The following JAZF1 variants were observed in gnomAD, a reference collection of about 807,000 sequenced individuals.
JAZF1 encodes juxtaposed with another zinc finger protein 1.
A neutral mutation model predicts 26.4 loss-of-function variants in JAZF1; 8 were observed. The ratio of observed to expected loss-of-function variants is 0.30; its 90% confidence interval spans 0.18 to 0.55. The LOEUF (loss-of-function observed/expected upper bound fraction) is 0.55. JAZF1 is among the 20% of genes least tolerant of loss of function. The pLI is 0.94. For synonymous variants in JAZF1, 126 were observed against 122.3 expected, an observed-to-expected ratio of 1.03 and a Z score of -0.20; for missense variants, 199 against 322.0, an observed-to-expected ratio of 0.62 and a Z score of 2.92.
chr7:28,000,810 G>A (rs1786140101), intron 1 of JAZF1, among the ~76,000 whole-genome samples: 1 of 151,590 alleles, frequency 6.6e-6, no homozygotes, highest in Non-Finnish European at 1.5e-5. Flanking sequence ...GTAGAGATGG[G>A]GTTTCACCAT....
intron 1 of JAZF1, among the ~76,000 whole-genome samples, chr7:28,037,648 A>G (rs1286056590): frequency 6.6e-6 from 1 of 152,190 alleles, no homozygotes; most frequent in Admixed American, 6.5e-5. Flanking sequence ...TGTCTATTTC[A>G]TCTCCATTTT....
At chr7:28,141,249 C>A (rs182153744) in intron 1 of JAZF1, among the ~76,000 whole-genome samples, 22 of 152,290 alleles carry the variant, frequency 1.4e-4, no homozygotes, top group Admixed American at 1.3e-3. Context: ...TGAACAAGCA[C>A]CTCCTACATG....
chr7:28,043,016 T>G (rs73683946), intron 1 of JAZF1, among the ~76,000 whole-genome samples: 11,837 of 152,228 alleles, frequency 0.078, 828 homozygotes, highest in African/African-American at 0.19. Context: ...AGTCTCCTGC[T>G]GTACTATGAT....
intron 4 of JAZF1, among the ~76,000 whole-genome samples, chr7:27,837,484 C>T (rs1489336355): frequency 6.6e-6 from 1 of 152,234 alleles, no homozygotes. Context: ...TCTGTCACAT[C>T]TGAGACATGT....
chr7:27,955,852 T>A (rs1227754733), intron 2 of JAZF1, among the ~76,000 whole-genome samples: 1 of 152,210 alleles, frequency 6.6e-6, no homozygotes, highest in East Asian at 1.9e-4. Context: ...CTATCTTTAG[T>A]GAATAAAATT....
chr7:28,014,415 T>C (rs1017669198), intron 1 of JAZF1, among the ~76,000 whole-genome samples: 1 of 152,178 alleles, frequency 6.6e-6, no homozygotes, highest in Non-Finnish European at 1.5e-5. Flanking sequence ...TGAATTCCCA[T>C]GTGTTGTGGG....
intron 1 of JAZF1, among the ~76,000 whole-genome samples, chr7:28,028,274 C>T (rs532979204): frequency 6.6e-6 from 1 of 152,286 alleles, no homozygotes; most frequent in Admixed American, 6.5e-5. Flanking sequence ...GCTTGAATAA[C>T]TGTTCATTAA....
chr7:28,011,647 G>A (rs899685269), intron 1 of JAZF1, among the ~76,000 whole-genome samples: 14 of 152,094 alleles, frequency 9.2e-5, no homozygotes, highest in Admixed American at 3.3e-4. Context: ...TAATCAGAGC[G>A]CAGGGAAATA....
chr7:28,055,175 AAT>A (rs200613172), intron 1 of JAZF1, among the ~76,000 whole-genome samples: 2 of 151,054 alleles, frequency 1.3e-5, no homozygotes, highest in East Asian at 4.3e-4. Flanking sequence ...AAAAAAAAAA[AAT>A]TTTTGCAATG....
At chr7:28,119,274 G>A (rs1464410392) in intron 1 of JAZF1, among the ~76,000 whole-genome samples, 1 of 152,108 alleles carries the variant, frequency 6.6e-6, no homozygotes, top group Non-Finnish European at 1.5e-5. Flanking sequence ...AGTGCCTAAT[G>A]GAGATGATTT....
rs545885586 is a variant in JAZF1 at position 28,110,527 on chromosome 7, A to G, written c.115+69936T>C. Among the ~76,000 whole-genome samples, 74 of 67,644 alleles carry G rather than the reference A, an allele frequency of 1.1e-3. 1 individual carries two copies. The highest frequency in any genetic ancestry group is 2.4e-3 in the Admixed American group (11 of 4,562). 44.4% of individuals were successfully genotyped at this position (67,644 alleles called of 152,430 possible). ...GGAAAAGGAAAGGAAAAGGAAAAGG[A>G]AAAGGAAAGGAAAAGGAAAAGGAAA... On this transcript the variant is annotated intron_variant, in intron 1 of 4. Transcript: ENST00000283928.
At chr7:28,035,313 CAA>C (rs201602870) in intron 1 of JAZF1, among the ~76,000 whole-genome samples, 647 of 27,200 alleles carry the variant, frequency 0.024, no homozygotes, top group African/African-American at 0.093. Flanking sequence ...GACTCCATCT[CAA>C]AAAAAAAAAA....
At position 28,167,783 on chromosome 7, in the gene JAZF1, A is replaced by G. The variant is rs1308382710; in HGVS notation, c.115+12680T>C. The stretch of plus-strand genomic sequence containing the variant: ...GCTTATCATTTTAGAATTTGGTATA[A>G]AAGAAAAAGTTTTAATTACAATGTT... On this transcript the variant is annotated intron_variant, in intron 1 of 4. Transcript: ENST00000283928. 2.0e-5 allele frequency among the ~76,000 whole-genome samples: 3 copies of G among 152,222 alleles called. No individual in the cohort carries two copies. The East Asian group carries it at 5.8e-4, about 29-fold the overall frequency.
At chr7:27,855,521 TAA>T (rs1388555265) in intron 3 of JAZF1, among the ~76,000 whole-genome samples, 1 of 152,024 alleles carries the variant, frequency 6.6e-6, no homozygotes, top group Non-Finnish European at 1.5e-5. Flanking sequence ...TAAAAAATGA[TAA>T]AGAGGATATC....
At chr7:28,066,204 C>T (rs1224936042) in intron 1 of JAZF1, among the ~76,000 whole-genome samples, 1 of 152,130 alleles carries the variant, frequency 6.6e-6, no homozygotes, top group Non-Finnish European at 1.5e-5. Context: ...TCTAAGGCTA[C>T]GGAACTTCAC....
chr7:27,835,693 T>G (rs1002186664), intron 4 of JAZF1, among the ~76,000 whole-genome samples: 3 of 152,176 alleles, frequency 2.0e-5, no homozygotes, highest in Non-Finnish European at 4.4e-5. Flanking sequence ...ATTAAGACAT[T>G]TCCTCCATCC....
intron 1 of JAZF1, among the ~76,000 whole-genome samples, chr7:28,047,835 T>C (rs1783523139): frequency 6.6e-6 from 1 of 152,182 alleles, no homozygotes; most frequent in Non-Finnish European, 1.5e-5. Context: ...ATTATTTTTC[T>C]GGTATTTTGC....
At chr7:27,909,204 AT>A (rs1784317044) in intron 2 of JAZF1, among the ~76,000 whole-genome samples, 1 of 145,760 alleles carries the variant, frequency 6.9e-6, no homozygotes, top group East Asian at 1.9e-4. Context: ...GGCCCTGCTA[AT>A]TTTGAATAAC....
intron 1 of JAZF1, among the ~76,000 whole-genome samples, chr7:28,128,477 G>A (rs2127940837): frequency 6.6e-6 from 1 of 152,230 alleles, no homozygotes; most frequent in Admixed American, 6.5e-5. Flanking sequence ...AGCTGAAGTT[G>A]TGCCACTGCA....
Sources: gnomAD v4.1 joint callset for allele counts (sites outside exome capture counted in the v4.1 genomes callset) on GRCh38, gnomAD v4.1.1 for gene constraint, MANE v1.5 for transcripts, NCBI Gene and HGNC (gene_info 2026-07-23, HGNC 2026-07-21) for gene names.